RAB30: variants seen among roughly 807,000 people sequenced by gnomAD.
RAB30 encodes the protein ras-related protein Rab-30.
RAB30 carries 9 observed loss-of-function variants against 25.1 expected under a neutral mutation model. The ratio of observed to expected loss-of-function variants is 0.36; its 90% CI spans 0.22 to 0.63. The LOEUF (loss-of-function observed/expected upper bound fraction) is 0.63. Ranked by LOEUF, RAB30 falls within the 20% of genes least tolerant of loss-of-function variation. The pLI is 0.69. For synonymous variants in RAB30, 77 were observed against 86.4 expected (o/e 0.89, Z 0.60); for missense variants, 140 against 243.5 (o/e 0.58, Z 2.83).
chr11:82,993,518 C>A (rs908406818), intron 3 of RAB30, among the ~76,000 whole-genome samples: 1 of 152,178 alleles, frequency 6.6e-6, no homozygotes, highest in Admixed American at 6.5e-5. Flanking sequence ...CTTCCAAGTA[C>A]CAAATCATCC....
chr11:82,981,507 G>A lies in RAB30; in HGVS notation c.*658C>T, dbSNP rs956330246. The A allele has an allele frequency of 8.5e-5, 13 of 152,468 alleles. No homozygotes were observed. Among genetic ancestry groups the A allele is most frequent in the East Asian group, 7.7e-4 (4 of 5,192 alleles). The allele number at this position is 152,468 out of a possible 1,614,324, so 9.4% of individuals were successfully genotyped here. A position where few individuals can be genotyped will look rare whatever the true frequency, so the allele number is the denominator to read the frequency against. Reference sequence around the variant, plus strand: ...TTTAAGGACATTAATGTACTAAAACGTTTGGTCTGTGAAATAGCGGAATCA... The same window carrying A: ...TTTAAGGACATTAATGTACTAAAACATTTGGTCTGTGAAATAGCGGAATCA... On this transcript the variant is annotated 3_prime_UTR_variant, in exon 5 of 5. Coordinates refer to ENST00000527633, the MANE Select transcript of RAB30 (RefSeq NM_001286060.2).
chr11:83,019,201 T>A (rs569710256), intron 1 of RAB30, among the ~76,000 whole-genome samples: 1 of 152,266 alleles, frequency 6.6e-6, no homozygotes, highest in African/African-American at 2.4e-5. Context: ...AATTTTTGTA[T>A]TTTTAGTAGA....
chr11:82,982,378 G>T lies in RAB30; in HGVS notation c.399C>A (p.Ser133=), dbSNP rs757870496. 1.1e-5 allele frequency: 18 copies of T among 1,613,852 alleles called. No homozygotes were observed. The South Asian group carries it at 2.0e-4, about 18-fold the overall frequency. ...CTGAGAATTCTTCAGCTCGCTGCTG[G>T]GAAACCTCTCTCCTTTCAGCCAGGT... ...KIDLAERREV[S]QQRAEEFSEA... is the part of the protein sequence containing the mutation. Residue 133 remains serine (S), a synonymous_variant, in exon 5 of 5, where the codon TCC becomes TCA. Transcript: ENST00000527633.
In RAB30 at chr11:82,976,771, C is replaced by T. The variant is rs941949348; in HGVS notation, c.*5394G>A. On this transcript the variant is annotated 3_prime_UTR_variant, in exon 5 of 5. Coordinates refer to ENST00000527633, the MANE Select transcript of RAB30 (RefSeq NM_001286060.2). ...GACCAATGAAGAGCCGTCTATCAGCCTTGCAAGGGTGAAAGTTATTTTGCA... is the reference window on the plus strand; with the variant it reads ...GACCAATGAAGAGCCGTCTATCAGCTTTGCAAGGGTGAAAGTTATTTTGCA... 3 of 152,176 alleles carry T rather than the reference C, an allele frequency of 2.0e-5. No homozygotes were observed. Among genetic ancestry groups the T allele is most frequent in the Non-Finnish European group, 2.9e-5 (2 of 68,032 alleles). The allele number at this position is 152,176 out of a possible 1,614,324, so 9.4% of individuals were successfully genotyped here. A position where few individuals can be genotyped will look rare whatever the true frequency, so the allele number is the denominator to read the frequency against.
intron 3 of RAB30, among the ~76,000 whole-genome samples, chr11:82,988,109 T>C (rs1321386576): frequency 6.6e-6 from 1 of 152,150 alleles, no homozygotes; most frequent in Non-Finnish European, 1.5e-5. Flanking sequence ...CTAAGCATTT[T>C]ACCTGTGGCA....
At chr11:83,062,656 T>C (rs773988527) in intron 1 of RAB30, among the ~76,000 whole-genome samples, 4 of 152,188 alleles carry the variant, frequency 2.6e-5, no homozygotes, top group Non-Finnish European at 5.9e-5. Flanking sequence ...AGTCCTTTTA[T>C]ACACAACATC....
intron 1 of RAB30, among the ~76,000 whole-genome samples, chr11:83,016,948 A>G (rs1008596910): frequency 6.6e-6 from 1 of 152,248 alleles, no homozygotes; most frequent in East Asian, 1.9e-4. Flanking sequence ...TTGCCCTTTC[A>G]TGTTCAGAAA....
chr11:83,033,272 G>A (rs1294722992), intron 1 of RAB30, among the ~76,000 whole-genome samples: 3 of 151,716 alleles, frequency 2.0e-5, no homozygotes, highest in Non-Finnish European at 4.4e-5. Flanking sequence ...CACCATGTTG[G>A]TCAGGCTGGT....
chr11:83,012,138 T>C (rs960198899), intron 1 of RAB30, among the ~76,000 whole-genome samples: 3 of 152,132 alleles, frequency 2.0e-5, no homozygotes, highest in Non-Finnish European at 4.4e-5. Context: ...TGTCCTCTGT[T>C]CTAAGGATAG....
chr11:83,039,756 C>T (rs531277969), intron 1 of RAB30, among the ~76,000 whole-genome samples: 3 of 152,046 alleles, frequency 2.0e-5, no homozygotes, highest in African/African-American at 4.8e-5. Flanking sequence ...AGAAAGGAGG[C>T]GGTCTCAAAG....
chr11:83,031,592 A>G (rs1857861421), intron 1 of RAB30, among the ~76,000 whole-genome samples: 1 of 151,346 alleles, frequency 6.6e-6, no homozygotes, highest in South Asian at 2.1e-4. Flanking sequence ...CAATGGTGCA[A>G]TCTCGGCACA....
At chr11:82,992,718 T>TTC (rs1003577176) in intron 3 of RAB30, among the ~76,000 whole-genome samples, 3 of 118,200 alleles carry the variant, frequency 2.5e-5, no homozygotes, top group Non-Finnish European at 5.5e-5. Flanking sequence ...CTCTCTCTCT[T>TTC]TCTCTCTCTC....
At chr11:83,015,917 C>A in intron 1 of RAB30, among the ~76,000 whole-genome samples, 1 of 152,268 alleles carries the variant, frequency 6.6e-6, no homozygotes, top group South Asian at 2.1e-4. Flanking sequence ...GCAGGCAGAT[C>A]CCTTGAGACC....
intron 1 of RAB30, chr11:83,035,190 C>G (rs1426369895): frequency 1.3e-5 from 2 of 151,980 alleles, no homozygotes; most frequent in Admixed American, 1.3e-4. Context: ...CCAGGTCTAC[C>G]TAATTCTAGA....
At chr11:83,045,095 C>T (rs1858206760) in intron 1 of RAB30, among the ~76,000 whole-genome samples, 1 of 152,190 alleles carries the variant, frequency 6.6e-6, no homozygotes, top group South Asian at 2.1e-4. Context: ...AAGGACTAGC[C>T]GTCAGCAGAC....
chr11:83,015,880 G>A (rs1486784350), intron 1 of RAB30, among the ~76,000 whole-genome samples: 3 of 152,204 alleles, frequency 2.0e-5, no homozygotes, highest in Non-Finnish European at 4.4e-5. Context: ...GCTCATGCCT[G>A]TAATCTCAAC....
intron 1 of RAB30, among the ~76,000 whole-genome samples, chr11:83,062,945 G>A (rs756232637): frequency 6.6e-6 from 1 of 150,916 alleles, no homozygotes; most frequent in African/African-American, 2.4e-5. Context: ...GGAGGTTGCA[G>A]TGAGCCAAGA....
rs1474282268 is a variant in RAB30, at chr11:82,977,347, G to C, written c.*4818C>G. The C allele has an allele frequency of 6.6e-6, 1 of 152,054 alleles. No individual in the cohort carries two copies. Among genetic ancestry groups the C allele is most frequent in the Non-Finnish European group, 1.5e-5 (1 of 68,008 alleles). The allele number at this position is 152,054 out of a possible 1,614,324, so 9.4% of individuals were successfully genotyped here. ...GATGCACTTGTGGCAGAAGAACGAG[G>C]CCCCATTAAAAAAATCATTAGCTAT... is the stretch of plus-strand genomic sequence containing the variant. On this transcript the variant is annotated 3_prime_UTR_variant, in exon 5 of 5. Transcript: ENST00000527633.
intron 1 of RAB30, among the ~76,000 whole-genome samples, chr11:83,019,791 G>C (rs1213874974): frequency 6.6e-6 from 1 of 152,184 alleles, no homozygotes; most frequent in Non-Finnish European, 1.5e-5. Flanking sequence ...TTGTTACCAC[G>C]AGAGGTAGCT....
Sources: gnomAD v4.1 joint callset for allele counts (sites outside exome capture counted in the v4.1 genomes callset) on GRCh38, gnomAD v4.1.1 for gene constraint, MANE v1.5 for transcripts, NCBI Gene and HGNC (gene_info 2026-07-23, HGNC 2026-07-21) for gene names.